The following COL25A1 variants were observed in gnomAD, a reference collection of about 807,000 sequenced individuals.
COL25A1 encodes the protein collagen alpha-1(XXV) chain.
A neutral mutation model predicts 128.4 loss-of-function variants in COL25A1; 103 were observed. The observed-to-expected ratio is 0.80, with a 90% CI of 0.68 to 0.94. COL25A1 has a LOEUF of 0.94. Ranked by LOEUF, COL25A1 falls within the 40% of genes least tolerant of loss-of-function variation. COL25A1 has a pLI of 0.00. For synonymous variants in COL25A1, 279 were observed against 277.2 expected, an observed-to-expected ratio of 1.01 and a Z score of -0.06; for missense variants, 745 against 840.0, an observed-to-expected ratio of 0.89 and a Z score of 1.40.
intron 10 of COL25A1, among the ~76,000 whole-genome samples, chr4:108,940,035 A>G (rs1223073570): frequency 6.6e-6 from 1 of 152,188 alleles, no homozygotes; most frequent in Non-Finnish European, 1.5e-5. Context: ...GTTATTTATA[A>G]GGGATTAAAT....
intron 3 of COL25A1, among the ~76,000 whole-genome samples, chr4:109,098,663 A>G (rs1560689502): frequency 6.6e-6 from 1 of 152,214 alleles, no homozygotes; most frequent in Non-Finnish European, 1.5e-5. Context: ...TATTCACATT[A>G]GTATTCTTTA....
intron 15 of COL25A1, 53 bp from the exon 16 acceptor site, chr4:108,896,764 A>G (rs1437701216): frequency 1.4e-6 from 2 of 1,480,824 alleles, no homozygotes; most frequent in Admixed American, 1.7e-5. Flanking sequence ...CGTCAAGCAG[A>G]TAATATTTTT....
intron 11 of COL25A1, among the ~76,000 whole-genome samples, chr4:108,924,881 GC>G (rs1745872761): frequency 6.6e-6 from 1 of 152,112 alleles, no homozygotes; most frequent in African/African-American, 2.4e-5. Context: ...GTCCTCTCCT[GC>G]ATCCATTCCA....
At chr4:108,926,753 C>T (rs1578788762) in intron 11 of COL25A1, among the ~76,000 whole-genome samples, 1 of 151,550 alleles carries the variant, frequency 6.6e-6, no homozygotes, top group Non-Finnish European at 1.5e-5. Context: ...ATATAAAATG[C>T]CATGTTCTGC....
At chr4:109,147,990 A>C (rs1771119911) in intron 3 of COL25A1, among the ~76,000 whole-genome samples, 1 of 152,190 alleles carries the variant, frequency 6.6e-6, no homozygotes, top group Admixed American at 6.5e-5. Flanking sequence ...TCAGGAGAGA[A>C]TAGTCCCTTT....
chr4:108,887,801 T>C (rs1002175459), intron 18 of COL25A1, among the ~76,000 whole-genome samples: 3 of 152,188 alleles, frequency 2.0e-5, no homozygotes, highest in East Asian at 1.9e-4. Context: ...TACGAGATTA[T>C]AGCAGGTTTG....
intron 3 of COL25A1, among the ~76,000 whole-genome samples, chr4:109,128,714 G>A (rs1768876345): frequency 6.6e-6 from 1 of 152,110 alleles, no homozygotes; most frequent in African/African-American, 2.4e-5. Flanking sequence ...AGGGGCCCAT[G>A]GTATACTGGA....
chr4:109,085,170 T>C (rs1764240893), intron 3 of COL25A1, among the ~76,000 whole-genome samples: 1 of 152,142 alleles, frequency 6.6e-6, no homozygotes, highest in Non-Finnish European at 1.5e-5. Flanking sequence ...CCATTGCAGC[T>C]GGGGCTCCAT....
chr4:109,231,908 AAAC>A (rs1397546469), intron 3 of COL25A1, among the ~76,000 whole-genome samples: 1 of 152,142 alleles, frequency 6.6e-6, no homozygotes, highest in Non-Finnish European at 1.5e-5. Context: ...TTTGAAAACT[AAAC>A]AGCTTAAACT....
chr4:109,108,089 T>TTACA (rs1766622805), intron 3 of COL25A1, among the ~76,000 whole-genome samples: 1 of 152,210 alleles, frequency 6.6e-6, no homozygotes, highest in East Asian at 1.9e-4. Flanking sequence ...TGCAGGTTTG[T>TTACA]TACATATGTA....
chr4:108,950,244 A>T (rs1316927545), intron 8 of COL25A1, among the ~76,000 whole-genome samples: 1 of 152,184 alleles, frequency 6.6e-6, no homozygotes, highest in Non-Finnish European at 1.5e-5. Context: ...CCACCAAACT[A>T]GAAGTGAGGA....
chr4:109,122,653 C>T (rs1346074085), intron 3 of COL25A1, among the ~76,000 whole-genome samples: 2 of 151,928 alleles, frequency 1.3e-5, no homozygotes, highest in Non-Finnish European at 1.5e-5. Context: ...GTGATGAATT[C>T]CCAATGAACT....
chr4:109,146,619 A>C (rs896409387), intron 3 of COL25A1, among the ~76,000 whole-genome samples: 1 of 152,208 alleles, frequency 6.6e-6, no homozygotes, highest in Non-Finnish European at 1.5e-5. Context: ...TCAGGGGCTG[A>C]AATGGTCAAA....
At position 109,301,584 on chromosome 4, in the gene COL25A1, C is replaced by T. The variant is rs577484529; in HGVS notation, c.297+139G>A. On this transcript the variant is annotated intron_variant, in intron 2 of 37. Transcript: ENST00000399132. ...ATATATGCTACAGTGAGCATAGATC[C>T]TTGGCCAACACATGCACGCGCGCGC... is the stretch of plus-strand genomic sequence containing the variant. The T allele has an allele frequency of 9.2e-5, 82 of 888,238 alleles. No individual in the cohort carries two copies. The South Asian group carries it at 1.2e-3, about 13-fold the overall frequency. 55.0% of individuals were successfully genotyped at this position (888,238 alleles called of 1,614,324 possible). A position where few individuals can be genotyped will look rare whatever the true frequency, so the allele number is the denominator to read the frequency against.
chr4:109,157,529 T>C (rs1214766090), intron 3 of COL25A1, among the ~76,000 whole-genome samples: 1 of 152,144 alleles, frequency 6.6e-6, no homozygotes, highest in Non-Finnish European at 1.5e-5. Flanking sequence ...GAAGACAATA[T>C]GTTCAATGTG....
chr4:109,094,839 T>C (rs967580732), intron 3 of COL25A1, among the ~76,000 whole-genome samples: 1 of 152,204 alleles, frequency 6.6e-6, no homozygotes, highest in Non-Finnish European at 1.5e-5. Flanking sequence ...TTACAAAGAC[T>C]GTATTTGAAA....
At chr4:109,142,588 C>T (rs530855801) in intron 3 of COL25A1, among the ~76,000 whole-genome samples, 4 of 151,858 alleles carry the variant, frequency 2.6e-5, no homozygotes, top group South Asian at 2.1e-4. Context: ...TTATGACTCT[C>T]GGTGCTCCCG....
rs760364718 is a variant in COL25A1, at chr4:108,827,203, A to G, written c.1711-15T>C. 9.3e-6 allele frequency: 15 copies of G among 1,612,952 alleles called. No individual in the cohort carries two copies. Among genetic ancestry groups the G allele is most frequent in the Non-Finnish European group, 1.3e-5 (15 of 1,179,066 alleles). ...CCTTTTTCACCCTAAAATGAAAAGTAGAAAGTTCAAATCATACACACCCAC... is the reference window on the plus strand; with the variant it reads ...CCTTTTTCACCCTAAAATGAAAAGTGGAAAGTTCAAATCATACACACCCAC... On this transcript the variant is annotated splice_polypyrimidine_tract_variant and intron_variant, in intron 32 of 37. Transcript: ENST00000399132.
intron 3 of COL25A1, among the ~76,000 whole-genome samples, chr4:109,108,690 TCTC>T (rs1766692385): frequency 2.1e-5 from 2 of 95,768 alleles, no homozygotes; most frequent in Admixed American, 2.0e-4. Flanking sequence ...TAATAACTCC[TCTC>T]TCTTTCTCCA....
Sources: allele counts gnomAD v4.1 joint callset (sites outside exome capture counted in the v4.1 genomes callset), GRCh38; gene constraint gnomAD v4.1.1; transcripts MANE v1.5; gene names NCBI Gene and HGNC (gene_info 2026-07-23, HGNC 2026-07-21).